Variants in CSMD1 observed in about 807,000 individuals in gnomAD.
CSMD1 encodes the protein CUB and sushi domain-containing protein 1.
Under a neutral mutation model 417.5 loss-of-function variants are expected in CSMD1, and 213 were observed. The ratio of observed to expected loss-of-function variants is 0.51; its 90% confidence interval spans 0.46 to 0.57. The LOEUF is 0.57. Among genes scored for constraint, CSMD1 ranks in the 20% least tolerant of loss-of-function variants. The pLI is 0.00. For synonymous variants in CSMD1, 2,862 were observed against 1,736.8 expected, an observed-to-expected ratio of 1.65 and a Z score of -16.11; for missense variants, 6,923 against 4,529.7, an observed-to-expected ratio of 1.53 and a Z score of -15.17.
chr8:3,703,046 T>C (rs1334726746), intron 7 of CSMD1, among the ~76,000 whole-genome samples: 2 of 152,290 alleles, frequency 1.3e-5, no homozygotes, highest in African/African-American at 4.8e-5. Flanking sequence ...TTAGAGCATA[T>C]AAACCACGTA....
At chr8:3,632,239 G>A (rs1185445147) in intron 7 of CSMD1, among the ~76,000 whole-genome samples, 1 of 152,032 alleles carries the variant, frequency 6.6e-6, no homozygotes, top group East Asian at 1.9e-4. Context: ...TCTAGGGCTG[G>A]GCTTTAACCA....
intron 6 of CSMD1, among the ~76,000 whole-genome samples, chr8:3,735,119 T>G (rs1584921724): frequency 6.6e-6 from 1 of 152,330 alleles, no homozygotes; most frequent in East Asian, 1.9e-4. Context: ...GCAAAATAAC[T>G]CTTTTCAATC....
In CSMD1 at chr8:4,936,546, G is replaced by C. The variant is rs191055957; in HGVS notation, c.85+57786C>G. ...TTGTACCTTCGTGAATAAATGTTTG[G>C]AGGTAGAAATTCATAAGCATTTTAA... On this transcript the variant is annotated intron_variant, in intron 1 of 69. Coordinates refer to ENST00000635120, the MANE Select transcript of CSMD1 (RefSeq NM_033225.6). Among the ~76,000 whole-genome samples, 4 of 152,258 alleles carry C rather than the reference G, an allele frequency of 2.6e-5. No individual in the cohort carries two copies. In the East Asian group the frequency reaches 5.8e-4, roughly 22 times the overall value.
At position 4,783,653 on chromosome 8, in the gene CSMD1, C is replaced by G. The variant is rs149086864; in HGVS notation, c.86-146095G>C. On this transcript the variant is annotated intron_variant, in intron 1 of 69. Coordinates refer to ENST00000635120, the MANE Select transcript of CSMD1 (RefSeq NM_033225.6). ...GCCTCCTGCTCCAGGGAGCTCTTGTCATGAACAGGCTGAAGCCAGCCCGAA... is the reference window on the plus strand; with the variant it reads ...GCCTCCTGCTCCAGGGAGCTCTTGTGATGAACAGGCTGAAGCCAGCCCGAA... 9.9e-4 allele frequency among the ~76,000 whole-genome samples: 151 copies of G among 152,288 alleles called. 1 individual carries two copies. Among genetic ancestry groups the G allele is most frequent in the African/African-American group, 3.5e-3 (145 of 41,572 alleles).
intron 10 of CSMD1, among the ~76,000 whole-genome samples, chr8:3,556,391 TAA>T (rs1491448510): frequency 0.033 from 1,239 of 37,338 alleles, 91 homozygotes; most frequent in Admixed American, 0.17. Context: ...TTATAATAAT[TAA>T]TATATATATA....
At chr8:4,784,669 T>G (rs991404968) in intron 1 of CSMD1, among the ~76,000 whole-genome samples, 1 of 152,230 alleles carries the variant, frequency 6.6e-6, no homozygotes, top group Non-Finnish European at 1.5e-5. Flanking sequence ...GCAAATATTT[T>G]TGAAAATTCA....
At chr8:4,249,065 C>A (rs1018816511) in intron 3 of CSMD1, among the ~76,000 whole-genome samples, 1 of 152,138 alleles carries the variant, frequency 6.6e-6, no homozygotes, top group Non-Finnish European at 1.5e-5. Context: ...ATTAATCTTC[C>A]TTGCTGTTAG....
chr8:3,834,324 T>C (rs1469740121), intron 5 of CSMD1, among the ~76,000 whole-genome samples: 1 of 152,178 alleles, frequency 6.6e-6, no homozygotes. Context: ...TGGATGTGGC[T>C]TACTCACTGC....
At chr8:4,833,865 G>C (rs1302413587) in intron 1 of CSMD1, among the ~76,000 whole-genome samples, 2 of 152,212 alleles carry the variant, frequency 1.3e-5, no homozygotes, top group Non-Finnish European at 2.9e-5. Context: ...CTGTACTCTA[G>C]TGAAGGTTGT....
intron 2 of CSMD1, among the ~76,000 whole-genome samples, chr8:4,507,110 C>G (rs2130318266): frequency 6.6e-6 from 1 of 152,200 alleles, no homozygotes; most frequent in South Asian, 2.1e-4. Flanking sequence ...TTATCCTACA[C>G]TTTGATACAT....
intron 3 of CSMD1, among the ~76,000 whole-genome samples, chr8:4,242,785 C>G (rs1038279074): frequency 6.6e-6 from 1 of 152,098 alleles, no homozygotes; most frequent in East Asian, 1.9e-4. Context: ...GTAATTTATT[C>G]ATTTATAAAG....
At chr8:4,700,955 G>T (rs1387886405) in intron 1 of CSMD1, among the ~76,000 whole-genome samples, 2 of 152,116 alleles carry the variant, frequency 1.3e-5, no homozygotes, top group Non-Finnish European at 2.9e-5. Context: ...GTAACCTTCG[G>T]TCTCCTGCAT....
At chr8:3,105,647 T>G (rs1193104996) in intron 46 of CSMD1, among the ~76,000 whole-genome samples, 1 of 152,246 alleles carries the variant, frequency 6.6e-6, no homozygotes, top group Non-Finnish European at 1.5e-5. Flanking sequence ...CTACATATGT[T>G]AAACATATGT....
intron 1 of CSMD1, among the ~76,000 whole-genome samples, chr8:4,941,623 G>C (rs1321542179): frequency 1.3e-5 from 2 of 148,766 alleles, no homozygotes; most frequent in African/African-American, 4.9e-5. Context: ...TTTTGAGACA[G>C]AGCCTTGCAC....
At chr8:4,055,402 A>T (rs911946166) in intron 3 of CSMD1, among the ~76,000 whole-genome samples, 7 of 152,090 alleles carry the variant, frequency 4.6e-5, no homozygotes, top group African/African-American at 1.7e-4. Context: ...AATCCAATAC[A>T]TATTTTAAAC....
chr8:4,486,548 G>C (rs1388936524), intron 2 of CSMD1, among the ~76,000 whole-genome samples: 1 of 151,844 alleles, frequency 6.6e-6, no homozygotes, highest in Non-Finnish European at 1.5e-5. Context: ...TATTTTTGAA[G>C]TAAGCATAAC....
chr8:4,712,089 A>G (rs1343028978), intron 1 of CSMD1, among the ~76,000 whole-genome samples: 4 of 152,202 alleles, frequency 2.6e-5, no homozygotes. Flanking sequence ...AGAAGAAATT[A>G]GGCAATGCCC....
intron 11 of CSMD1, among the ~76,000 whole-genome samples, chr8:3,477,661 G>C (rs189351250): frequency 3.9e-5 from 6 of 152,206 alleles, no homozygotes; most frequent in Non-Finnish European, 7.3e-5. Context: ...GGCAGAGGAA[G>C]AAGTCAACTC....
intron 23 of CSMD1, among the ~76,000 whole-genome samples, chr8:3,327,264 T>A (rs942874619): frequency 1.3e-5 from 2 of 151,954 alleles, no homozygotes; most frequent in Non-Finnish European, 2.9e-5. Flanking sequence ...TGCCTCAGCC[T>A]CCCGAGTAGC....
Sources: allele counts gnomAD v4.1 joint callset (sites outside exome capture counted in the v4.1 genomes callset), GRCh38; gene constraint gnomAD v4.1.1; transcripts MANE v1.5; gene names NCBI Gene and HGNC (gene_info 2026-07-23, HGNC 2026-07-21).